ALDH1A2: variants seen among roughly 807,000 people sequenced by gnomAD.
The protein encoded by ALDH1A2 is aldehyde dehydrogenase 1 family member A2.
Under a neutral mutation model 60.3 loss-of-function variants are expected in ALDH1A2, and 27 were observed. That is an observed-to-expected ratio of 0.45 (90% CI 0.33 to 0.62). The LOEUF (loss-of-function observed/expected upper bound fraction) is 0.62. Among genes scored for constraint, ALDH1A2 ranks in the 20% least tolerant of loss-of-function variants. The pLI, the probability that ALDH1A2 is intolerant of heterozygous loss-of-function variation, is 0.02. For synonymous variants in ALDH1A2, 289 were observed against 232.4 expected (o/e 1.24, Z -2.21); for missense variants, 581 against 643.8 (o/e 0.90, Z 1.06).
At chr15:58,017,630 A>C (rs1895821625) in intron 1 of ALDH1A2, among the ~76,000 whole-genome samples, 1 of 152,168 alleles carries the variant, frequency 6.6e-6, no homozygotes, top group African/African-American at 2.4e-5. Context: ...ATAATGTTCT[A>C]GGTTCATATA....
intron 1 of ALDH1A2, among the ~76,000 whole-genome samples, chr15:58,050,105 G>C (rs1314953612): frequency 4.0e-5 from 6 of 151,878 alleles, no homozygotes. Context: ...GTATGATTTT[G>C]AATTAGAAGG....
intron 1 of ALDH1A2, among the ~76,000 whole-genome samples, chr15:58,018,984 A>G (rs776876088): frequency 5.3e-5 from 8 of 152,190 alleles, no homozygotes; most frequent in Non-Finnish European, 8.8e-5. Context: ...TGAAATTTGA[A>G]TAAGATTTTT....
intron 4 of ALDH1A2, among the ~76,000 whole-genome samples, chr15:57,999,801 G>A (rs368313987): frequency 2.0e-5 from 3 of 151,920 alleles, no homozygotes; most frequent in African/African-American, 4.8e-5. Context: ...TAGCAAAGAC[G>A]TGGAATCAAC....
At chr15:58,039,373 A>G (rs1207781643) in intron 1 of ALDH1A2, among the ~76,000 whole-genome samples, 1 of 151,700 alleles carries the variant, frequency 6.6e-6, no homozygotes, top group East Asian at 1.9e-4. Flanking sequence ...TAAACACCAG[A>G]TGAAAAAGGG....
rs1893809998 is a variant in ALDH1A2, at chr15:57,963,919, C to A, written c.1052G>T (p.Ser351Ile). 6.2e-7 allele frequency: 1 copy of A among 1,614,164 alleles called. No homozygotes were observed. Among genetic ancestry groups the A allele is most frequent in the Admixed American group, 1.7e-5 (1 of 60,026 alleles). ...CTGCTCAGTGGTGGGGTCAAAGGGA[C>A]TCCCCACTACGCGCCTCTTGGCCCG... ...VERAKRRVVG[S>I]PFDPTTEQGP... is the part of the protein sequence containing the mutation. The change falls in exon 9 of 13, where the codon AGT becomes ATT. Residue 351 changes from serine to isoleucine, a missense_variant. This residue lies in a region of ALDH1A2 where 375 missense variants were observed against 469.7 expected (regional missense o/e 0.80). Coordinates refer to ENST00000249750, the MANE Select transcript of ALDH1A2 (RefSeq NM_003888.4).
chr15:57,976,148 T>G (rs1460120348), intron 7 of ALDH1A2, among the ~76,000 whole-genome samples: 4 of 152,088 alleles, frequency 2.6e-5, no homozygotes, highest in Non-Finnish European at 4.4e-5. Context: ...CTACGTAACA[T>G]TTTTCTGCAA....
At chr15:58,041,603 G>A (rs575952164) in intron 1 of ALDH1A2, among the ~76,000 whole-genome samples, 3 of 152,028 alleles carry the variant, frequency 2.0e-5, no homozygotes, top group South Asian at 4.1e-4. Flanking sequence ...TCACATGGTA[G>A]AATGGACAAG....
chr15:57,963,314 A>G (rs1192349223), intron 9 of ALDH1A2, among the ~76,000 whole-genome samples: 1 of 151,218 alleles, frequency 6.6e-6, no homozygotes, highest in Non-Finnish European at 1.5e-5. Context: ...TAGAACTGAG[A>G]GACTCCAGCT....
At chr15:58,055,472 T>C (rs1566962527) in intron 1 of ALDH1A2, among the ~76,000 whole-genome samples, 1 of 151,938 alleles carries the variant, frequency 6.6e-6, no homozygotes, top group Non-Finnish European at 1.5e-5. Flanking sequence ...AGTTTAGAAG[T>C]AGGGAGTTAC....
chr15:58,031,264 A>G (rs1479753965), intron 1 of ALDH1A2, among the ~76,000 whole-genome samples: 2 of 152,216 alleles, frequency 1.3e-5, no homozygotes, highest in African/African-American at 2.4e-5. Flanking sequence ...AGAAATGGTG[A>G]AAGGATTCCC....
intron 1 of ALDH1A2, among the ~76,000 whole-genome samples, chr15:58,056,434 C>G (rs1896897682): frequency 6.6e-6 from 1 of 151,942 alleles, no homozygotes; most frequent in Admixed American, 6.6e-5. Context: ...TAAGCAATGA[C>G]CAATTCTAGG....
intron 7 of ALDH1A2, among the ~76,000 whole-genome samples, chr15:57,984,557 A>G (rs1465167908): frequency 6.6e-6 from 1 of 152,184 alleles, no homozygotes; most frequent in Non-Finnish European, 1.5e-5. Context: ...TGCAACCACT[A>G]ATCAACTTTC....
chr15:57,983,784 T>C (rs1187819550), intron 7 of ALDH1A2, among the ~76,000 whole-genome samples: 1 of 152,198 alleles, frequency 6.6e-6, no homozygotes, highest in Non-Finnish European at 1.5e-5. Context: ...CTAGACTGAA[T>C]CACATAAAAC....
At chr15:58,022,994 G>A (rs941112827) in intron 1 of ALDH1A2, among the ~76,000 whole-genome samples, 1 of 152,148 alleles carries the variant, frequency 6.6e-6, no homozygotes, top group Non-Finnish European at 1.5e-5. Context: ...TCCATCAACA[G>A]ATCTTAATCA....
intron 7 of ALDH1A2, among the ~76,000 whole-genome samples, chr15:57,974,305 C>T (rs1465479956): frequency 1.3e-5 from 2 of 151,594 alleles, no homozygotes; most frequent in Non-Finnish European, 2.9e-5. Context: ...AGGTGGCGGG[C>T]GCCTGTAGTT....
rs114924501 is a variant in ALDH1A2 at position 58,044,392 on chromosome 15, G to C, written c.117+21142C>G. Among the ~76,000 whole-genome samples, 1,147 of 152,066 alleles carry C rather than the reference G, an allele frequency of 7.5e-3. 13 individuals are homozygous for C. The highest frequency in any genetic ancestry group is 0.026 in the African/African-American group (1,075 of 41,502). ...CATTGTTCAACTCCCATTTATGAGTGAGAACATCCAGTGTGTGGTTTTCTA... is the reference window on the plus strand; with the variant it reads ...CATTGTTCAACTCCCATTTATGAGTCAGAACATCCAGTGTGTGGTTTTCTA... On this transcript the variant is annotated intron_variant, in intron 1 of 12. Coordinates refer to ENST00000249750, the MANE Select transcript of ALDH1A2 (RefSeq NM_003888.4).
At chr15:58,002,524 TAATATA>T in intron 4 of ALDH1A2, among the ~76,000 whole-genome samples, 1 of 152,030 alleles carries the variant, frequency 6.6e-6, no homozygotes. Context: ...TCCTATATAT[TAATATA>T]AACTAGAGTG....
chr15:57,970,485 T>A (rs143895948), intron 7 of ALDH1A2, among the ~76,000 whole-genome samples: 23 of 152,338 alleles, frequency 1.5e-4, no homozygotes, highest in Admixed American at 3.3e-4. Flanking sequence ...ACTGGAATCA[T>A]GTTCACAGCA....
At chr15:57,981,355 C>A in intron 7 of ALDH1A2, among the ~76,000 whole-genome samples, 1 of 149,894 alleles carries the variant, frequency 6.7e-6, no homozygotes. Flanking sequence ...GACTGGTAGC[C>A]AAAAATATTT....
Sources: allele counts gnomAD v4.1 joint callset (sites outside exome capture counted in the v4.1 genomes callset), GRCh38; gene constraint gnomAD v4.1.1; regional missense constraint gnomAD v4.1.1; transcripts MANE v1.5; gene names NCBI Gene and HGNC (gene_info 2026-07-23, HGNC 2026-07-21).